WDR74: variants seen among roughly 807,000 people sequenced by gnomAD.
The protein encoded by WDR74 is WD repeat-containing protein 74.
In WDR74, 31 loss-of-function variants were observed where a neutral mutation model predicts 45.6. That is an observed-to-expected ratio of 0.68 (90% CI 0.51 to 0.92). The LOEUF (loss-of-function observed/expected upper bound fraction) is 0.92, where lower values mean the gene tolerates loss of function less well. Ranked by LOEUF, WDR74 falls within the 40% of genes least tolerant of loss-of-function variation. The pLI is 0.00. For synonymous variants in WDR74, 191 were observed against 192.4 expected (o/e 0.99, Z 0.06); for missense variants, 455 against 497.2 (o/e 0.92, Z 0.81).
chr11:62,839,839 C>T, upstream of WDR74: 1 of 520,084 alleles, frequency 1.9e-6, no homozygotes, highest in Non-Finnish European at 3.4e-6. Flanking sequence ...GTCTGTCTCC[C>T]GGCTCCATTA....
At chr11:62,841,450 T>C (rs763507603), upstream of WDR74, 4 of 152,336 alleles carry the variant, frequency 2.6e-5, no homozygotes, top group East Asian at 5.8e-4. Context: ...CGCTCCGTGC[T>C]CAGTTATAAA....
chr11:62,841,720 T>A (rs897060843), upstream of WDR74: 1 of 152,184 alleles, frequency 6.6e-6, no homozygotes, highest in Non-Finnish European at 1.5e-5. Context: ...ATCCATTTAA[T>A]ATATTGTCCT....
At chr11:62,835,144 G>A in intron 6 of WDR74, 1 of 374,532 alleles carries the variant, frequency 2.7e-6, no homozygotes, top group South Asian at 3.4e-5. Flanking sequence ...TTAACACCCA[G>A]CCCAATGTCC....
chr11:62,838,868 G>A (rs1398966560), intron 3 of WDR74, among the ~76,000 whole-genome samples: 3 of 152,124 alleles, frequency 2.0e-5, no homozygotes, highest in East Asian at 1.9e-4. Flanking sequence ...AACCTTAGAG[G>A]ATGAGAACTT....
chr11:62,839,691 T>C, upstream of WDR74: 4 of 1,233,882 alleles, frequency 3.2e-6, no homozygotes, highest in Admixed American at 2.6e-5. Flanking sequence ...ACAGTAAAGC[T>C]TCCATGCTTG....
At chr11:62,839,660 C>A (rs2085019415), upstream of WDR74, 5 of 1,479,898 alleles carry the variant, frequency 3.4e-6, no homozygotes, top group Admixed American at 9.1e-5. Flanking sequence ...AGTGTAGTTG[C>A]TGGAAGTTTG....
chr11:62,834,390 G>GGGCCCCC, intron 7 of WDR74, 37 bp downstream of exon 7: 1 of 1,584,246 alleles, frequency 6.3e-7, no homozygotes, highest in Non-Finnish European at 8.6e-7. Context: ...CCCTTCTCAA[G>GGGCCCCC]CCCCACCCTC....
intron 3 of WDR74, 190 bp from the exon 4 acceptor site, chr11:62,836,226 T>A (rs2084958273): frequency 1.7e-6 from 1 of 590,486 alleles, no homozygotes; most frequent in Non-Finnish European, 3.0e-6. Context: ...AGCCTCTAGG[T>A]CACTGGGCTC....
At chr11:62,841,170 CGCTGGGCGTGGT>C (rs1160145101), upstream of WDR74, among the ~76,000 whole-genome samples, 2 of 151,940 alleles carry the variant, frequency 1.3e-5, no homozygotes, top group Non-Finnish European at 2.9e-5. Context: ...TATAAAAATT[CGCTGGGCGTGGT>C]GGCGGGCGCC....
intron 3 of WDR74, among the ~76,000 whole-genome samples, chr11:62,836,962 G>C (rs1471625999): frequency 6.6e-6 from 1 of 152,104 alleles, no homozygotes; most frequent in Non-Finnish European, 1.5e-5. Flanking sequence ...TGTAGTCCTA[G>C]CTACTTGGGA....
In WDR74 at chr11:62,833,671, A is replaced by G; in HGVS notation, c.925T>C (p.Tyr309His). Residue 309 changes from tyrosine (Y) to histidine (H), a missense_variant, in exon 10 of 11, where the codon TAT becomes CAT. Transcript: ENST00000278856. ...AGGCAGTTCAATTGAGACTTGAGAT[A>G]AACCTGCAAAAGATGAGGGACCTTA... ...QNPRGLEHKV[Y>H]LKSQLNCLLL... 6.4e-7 allele frequency: 1 copy of G among 1,556,982 alleles called. No individual in the cohort carries two copies. Among genetic ancestry groups the G allele is most frequent in the Non-Finnish European group, 8.7e-7 (1 of 1,149,882 alleles).
intron 5 of WDR74, 43 bp from the exon 6 acceptor site, chr11:62,835,575 G>T (rs2298635): frequency 0.061 from 98,604 of 1,610,328 alleles, 3,906 homozygotes; most frequent in East Asian, 0.15. Context: ...TGGGGGGCTC[G>T]ATGTGCCCCT....
chr11:62,841,315 T>C (rs2085043598), upstream of WDR74, among the ~76,000 whole-genome samples: 1 of 151,190 alleles, frequency 6.6e-6, no homozygotes, highest in East Asian at 1.9e-4. Context: ...AGACGACGTC[T>C]CAAAAAAAAT....
At chr11:62,839,722 A>G, upstream of WDR74, 2 of 932,030 alleles carry the variant, frequency 2.1e-6, no homozygotes, top group Non-Finnish European at 3.1e-6. Flanking sequence ...CGAAAATGAA[A>G]CCAGGAGGTG....
chr11:62,833,520 G>A, intron 10 of WDR74, 98 bp downstream of exon 10: 1 of 1,401,680 alleles, frequency 7.1e-7, no homozygotes, highest in African/African-American at 1.4e-5. Context: ...TAAACAGATA[G>A]TCCCAAGTCT....
At chr11:62,839,048 C>G in intron 3 of WDR74, 66 bp downstream of exon 3, 1 of 1,594,398 alleles carries the variant, frequency 6.3e-7, no homozygotes, top group Non-Finnish European at 8.5e-7. Flanking sequence ...GCCATCATTC[C>G]AGTATCCTCA....
chr11:62,833,929 G>T lies in WDR74; in HGVS notation c.784C>A (p.Leu262Met). ...CCTGCCAGCCCCTTCAGACAGCCCAGTAGACGCCCTAGAGAAGGGGGGAAG... is the reference window on the plus strand; with the variant it reads ...CCTGCCAGCCCCTTCAGACAGCCCATTAGACGCCCTAGAGAAGGGGGGAAG... ...AEIDLRQGRL[L>M]GCLKGLAGSV... is the part of the protein sequence containing the mutation. Residue 262 changes from leucine (L) to methionine (M), a missense_variant, in exon 9 of 11, where the codon CTG becomes ATG. Leu to Met is a conservative substitution (Grantham distance 15, BLOSUM62 2). Transcript: ENST00000278856. 1 of 1,613,648 alleles carries T rather than the reference G, an allele frequency of 6.2e-7. No homozygotes were observed. Among genetic ancestry groups the T allele is most frequent in the Non-Finnish European group, 8.5e-7 (1 of 1,179,746 alleles).
At chr11:62,839,694 C>T, upstream of WDR74, 1 of 1,220,790 alleles carries the variant, frequency 8.2e-7, no homozygotes, top group Non-Finnish European at 1.1e-6. Flanking sequence ...GTAAAGCTTC[C>T]ATGCTTGTTT....
At chr11:62,835,028 C>T (rs906593154) in intron 6 of WDR74, 44 of 225,942 alleles carry the variant, frequency 1.9e-4, no homozygotes, top group Non-Finnish European at 7.0e-5. Context: ...ATTCCCCATT[C>T]GGGCCCTTCC....
Sources: gnomAD v4.1 joint callset for allele counts (sites outside exome capture counted in the v4.1 genomes callset) on GRCh38, gnomAD v4.1.1 for gene constraint, MANE v1.5 for transcripts, NCBI Gene and HGNC (gene_info 2026-07-23, HGNC 2026-07-21) for gene names.